Variants in PROSER2 observed in about 807,000 individuals in gnomAD.
PROSER2 encodes the protein proline and serine-rich protein 2.
Under a neutral mutation model 14.6 loss-of-function variants are expected in PROSER2, and 18 were observed. That is an observed-to-expected ratio of 1.23 (90% CI 0.85 to 1.83). The LOEUF (loss-of-function observed/expected upper bound fraction) is 1.83. Among genes scored for constraint, PROSER2 ranks in the 40% most tolerant of loss-of-function variants. The probability of loss-of-function intolerance (pLI) is 0.00; values close to 1 mark genes in which losing one functional copy is unlikely to be tolerated. For synonymous variants in PROSER2, 367 were observed against 286.4 expected, an observed-to-expected ratio of 1.28 and a Z score of -2.84; for missense variants, 823 against 629.8, an observed-to-expected ratio of 1.31 and a Z score of -3.28.
At chr10:11,839,348 T>C (rs1278261341) in intron 1 of PROSER2, among the ~76,000 whole-genome samples, 3 of 152,160 alleles carry the variant, frequency 2.0e-5, no homozygotes, top group Non-Finnish European at 4.4e-5. Context: ...ACACAAGCTA[T>C]AAACAAAAAG....
At chr10:11,826,941 G>T (rs1183724345) in intron 1 of PROSER2, among the ~76,000 whole-genome samples, 1 of 145,230 alleles carries the variant, frequency 6.9e-6, no homozygotes, top group African/African-American at 2.5e-5. Context: ...CTGGAGTGCA[G>T]TGGCACGATC....
intron 2 of PROSER2, among the ~76,000 whole-genome samples, chr10:11,854,766 G>A (rs962360831): frequency 6.6e-6 from 1 of 152,024 alleles, no homozygotes; most frequent in Non-Finnish European, 1.5e-5. Flanking sequence ...ACAGTCACAT[G>A]ACACTTGATT....
intron 1 of PROSER2, among the ~76,000 whole-genome samples, chr10:11,829,496 T>TAA (rs1833662063): frequency 6.6e-6 from 1 of 151,718 alleles, no homozygotes; most frequent in Non-Finnish European, 1.5e-5. Context: ...AGGCAGGAGA[T>TAA]GCTTGAGCCC....
intron 1 of PROSER2, among the ~76,000 whole-genome samples, chr10:11,841,333 T>C (rs2131058339): frequency 6.6e-6 from 1 of 152,286 alleles, no homozygotes; most frequent in African/African-American, 2.4e-5. Context: ...CATCCATTTT[T>C]CCCCTCAGTT....
rs1329328983 is a variant in PROSER2 at position 11,869,663 on chromosome 10, C to T, written c.565C>T (p.Arg189Cys). 11 of 1,600,684 alleles carry T rather than the reference C, an allele frequency of 6.9e-6. No homozygotes were observed. Among genetic ancestry groups the T allele is most frequent in the Middle Eastern group, 1.7e-4 (1 of 6,054 alleles). ...SPPVEHPRLL[R>C]SVPTPLVMAQ... is the part of the protein sequence containing the mutation. ...GCCGGTGGAGCACCCCAGACTCCTGCGCTCTGTTCCCACGCCCCTCGTTAT... is the reference window on the plus strand; with the variant it reads ...GCCGGTGGAGCACCCCAGACTCCTGTGCTCTGTTCCCACGCCCCTCGTTAT... The change falls in exon 4 of 4, where the codon CGC becomes TGC. Residue 189 changes from arginine (R) to cysteine (C), a missense_variant. Transcript: ENST00000277570. This position sits in a 1 kb window ranked among gnomAD's most constrained non-coding sequence, Gnocchi z 4.4.
At chr10:11,858,554 T>C (rs1015403296) in intron 2 of PROSER2, among the ~76,000 whole-genome samples, 1 of 152,332 alleles carries the variant, frequency 6.6e-6, no homozygotes, top group Non-Finnish European at 1.5e-5. Flanking sequence ...GACCTTAGTA[T>C]GTTCAGCATT....
At chr10:11,850,524 TCCACAAC>T (rs1167559157) in intron 1 of PROSER2, 1 of 152,310 alleles carries the variant, frequency 6.6e-6, no homozygotes, top group African/African-American at 2.4e-5. Flanking sequence ...CTCTCCTGGC[TCCACAAC>T]CCACCAGCTC....
intron 1 of PROSER2, among the ~76,000 whole-genome samples, chr10:11,839,822 C>CAAA (rs1209509215): frequency 1.6e-5 from 1 of 60,932 alleles, no homozygotes; most frequent in Non-Finnish European, 3.6e-5. Flanking sequence ...GAGATTGTCT[C>CAAA]AAAAAAAAAA....
At position 11,869,715 on chromosome 10, in the gene PROSER2, CG is replaced by C; in HGVS notation, c.621del (p.Asn208ThrfsTer145). On this transcript the variant is annotated frameshift_variant, in exon 4 of 4. Transcript: ENST00000277570. LOFTEE classifies it low-confidence loss of function (END_TRUNC). The surrounding 1 kb of genome is among the most constrained non-coding windows in gnomAD (Gnocchi z 4.4). ...GCGCAGAAGATTTCCGAGAGGATGG[CG>C]GGGAACGAAGCCCTCTCGCCCACCT... Reference protein sequence around the residue: ...VMAQKISERMAGNEALSPTSP... With the variant: ...VMAQKISERMXGNEALSPTSP... The C allele has an allele frequency of 1.3e-6, 2 of 1,593,360 alleles. No homozygotes were observed. Among genetic ancestry groups the C allele is most frequent in the East Asian group, 2.3e-5 (1 of 43,574 alleles).
intron 2 of PROSER2, among the ~76,000 whole-genome samples, chr10:11,861,109 A>G (rs1564312205): frequency 6.6e-6 from 1 of 152,204 alleles, no homozygotes; most frequent in Non-Finnish European, 1.5e-5. Flanking sequence ...CCTAAAAAAT[A>G]ATAACAAATT....
chr10:11,870,406 A>T lies in PROSER2; in HGVS notation c.1308A>T (p.Ter436CysextTer18). 6.7e-7 allele frequency: 1 copy of T among 1,489,740 alleles called. No individual in the cohort carries two copies. The allele number at this position is 1,489,740 out of a possible 1,614,324, so 92.3% of individuals were successfully genotyped here. ...RKLGLLRESS[*>C] ...TGGGGCTGCTCAGGGAGAGTTCGTGAGGGCCGCGCGGGCTCCAGTCCACCC... is the reference window on the plus strand; with the variant it reads ...TGGGGCTGCTCAGGGAGAGTTCGTGTGGGCCGCGCGGGCTCCAGTCCACCC... The change falls in exon 4 of 4, where the codon TGA (stop) becomes TGT (cysteine). Residue 436 changes from the stop codon to cysteine (C), a stop_lost. Coordinates refer to ENST00000277570, the MANE Select transcript of PROSER2 (RefSeq NM_153256.4).
At chr10:11,844,647 A>C (rs1394543657) in intron 1 of PROSER2, among the ~76,000 whole-genome samples, 1 of 152,124 alleles carries the variant, frequency 6.6e-6, no homozygotes, top group Non-Finnish European at 1.5e-5. Context: ...TTTGAGATGG[A>C]GTCTCGCTCT....
chr10:11,826,128 T>C (rs1466973985), intron 1 of PROSER2, among the ~76,000 whole-genome samples: 1 of 152,220 alleles, frequency 6.6e-6, no homozygotes, highest in African/African-American at 2.4e-5. Context: ...TCTTAAAATC[T>C]GTGGCCTCTT....
chr10:11,832,999 T>C (rs1346830306), intron 1 of PROSER2, among the ~76,000 whole-genome samples: 4 of 152,010 alleles, frequency 2.6e-5, no homozygotes, highest in Admixed American at 6.6e-5. Flanking sequence ...CACGCCACCA[T>C]GCCCGGCTAA....
chr10:11,840,758 C>T (rs189835830), intron 1 of PROSER2, among the ~76,000 whole-genome samples: 1 of 151,142 alleles, frequency 6.6e-6, no homozygotes. Context: ...AACCCTGTCT[C>T]TACTAAAAAT....
chr10:11,833,088 C>T (rs1833709452), intron 1 of PROSER2, among the ~76,000 whole-genome samples: 1 of 152,114 alleles, frequency 6.6e-6, no homozygotes. Context: ...AAGTGATCCG[C>T]CCACCTCAGC....
chr10:11,833,566 C>T (rs989272236), intron 1 of PROSER2, among the ~76,000 whole-genome samples: 1 of 151,966 alleles, frequency 6.6e-6, no homozygotes. Flanking sequence ...TGGCTGGTGC[C>T]TGTAGTCCCA....
chr10:11,832,221 A>G (rs1249272434), intron 1 of PROSER2, among the ~76,000 whole-genome samples: 1 of 152,176 alleles, frequency 6.6e-6, no homozygotes, highest in East Asian at 1.9e-4. Context: ...AAAACTGCCC[A>G]CACTCCCAGC....
chr10:11,848,424 C>G (rs1056294691), intron 1 of PROSER2, among the ~76,000 whole-genome samples: 5 of 152,222 alleles, frequency 3.3e-5, no homozygotes, highest in Non-Finnish European at 7.3e-5. Context: ...CCACCTTGGC[C>G]TCCCAAAGTG....
Sources: allele counts gnomAD v4.1 joint callset (sites outside exome capture counted in the v4.1 genomes callset), GRCh38; gene constraint gnomAD v4.1.1; non-coding constraint Gnocchi (gnomAD v3.1); transcripts MANE v1.5; gene names NCBI Gene and HGNC (gene_info 2026-07-23, HGNC 2026-07-21).